Variants in CCDC171 observed in about 807,000 individuals in gnomAD.
CCDC171 encodes the protein coiled-coil domain containing 171, also known as coiled-coil domain-containing protein 171.
In CCDC171, 177 loss-of-function variants were observed where a neutral mutation model predicts 168.2. That is an observed-to-expected ratio of 1.05 (90% confidence interval 0.93 to 1.19). The LOEUF (loss-of-function observed/expected upper bound fraction) is 1.19. CCDC171 is among the 50% of genes most tolerant of loss of function. The pLI is 0.00. For synonymous variants in CCDC171, 687 were observed against 540.8 expected, an observed-to-expected ratio of 1.27 and a Z score of -3.75; for missense variants, 1,991 against 1,539.0, an observed-to-expected ratio of 1.29 and a Z score of -4.91.
At chr9:15,649,508 G>A (rs1457883266) in intron 7 of CCDC171, among the ~76,000 whole-genome samples, 3 of 152,236 alleles carry the variant, frequency 2.0e-5, no homozygotes, top group East Asian at 3.9e-4. Flanking sequence ...ATCTGACAAA[G>A]GGCTAATATC....
At chr9:15,802,945 C>T (rs1486692533) in intron 21 of CCDC171, among the ~76,000 whole-genome samples, 1 of 152,124 alleles carries the variant, frequency 6.6e-6, no homozygotes, top group Non-Finnish European at 1.5e-5. Flanking sequence ...TAGTAATAGC[C>T]ACTCTGACTG....
intron 11 of CCDC171, among the ~76,000 whole-genome samples, chr9:15,704,875 T>C (rs2052085516): frequency 1.3e-5 from 2 of 152,002 alleles, no homozygotes; most frequent in Non-Finnish European, 2.9e-5. Flanking sequence ...ACCCTGGCCT[T>C]CTTGTGACTA....
At chr9:15,814,590 G>A (rs1466599038) in intron 21 of CCDC171, among the ~76,000 whole-genome samples, 1 of 151,118 alleles carries the variant, frequency 6.6e-6, no homozygotes, top group Non-Finnish European at 1.5e-5. Context: ...TACAATTGTA[G>A]CTAAAGTTTT....
intron 21 of CCDC171, among the ~76,000 whole-genome samples, chr9:15,826,796 G>A (rs7047045): frequency 0.44 from 67,323 of 152,014 alleles, 15,111 homozygotes; most frequent in African/African-American, 0.47. Flanking sequence ...GCTGTGCCAT[G>A]CTCTATTTCC....
intron 21 of CCDC171, among the ~76,000 whole-genome samples, chr9:15,799,177 G>T (rs1010272277): frequency 3.3e-5 from 3 of 91,460 alleles, no homozygotes; most frequent in East Asian, 3.9e-4. Context: ...CCATTTTGAT[G>T]CACACTTCCT....
At chr9:16,105,527 C>T in the CCDC171 span, among the ~76,000 whole-genome samples, 3 of 152,088 alleles carry the variant, frequency 2.0e-5, no homozygotes, top group Non-Finnish European at 4.4e-5. Context: ...TTGATGGCCT[C>T]GTAATTGTTA....
chr9:15,834,306 A>G (rs1265827036), intron 21 of CCDC171, among the ~76,000 whole-genome samples: 2 of 152,176 alleles, frequency 1.3e-5, no homozygotes, highest in African/African-American at 2.4e-5. Flanking sequence ...ATCTAATTAT[A>G]TGTTCATATT....
chr9:15,816,265 C>A (rs2059558584), intron 21 of CCDC171, among the ~76,000 whole-genome samples: 1 of 117,398 alleles, frequency 8.5e-6, no homozygotes, highest in Non-Finnish European at 1.9e-5. Flanking sequence ...TTGAATCATA[C>A]AGTTCAATTT....
intron 21 of CCDC171, among the ~76,000 whole-genome samples, chr9:15,803,336 C>G (rs1050358742): frequency 6.6e-6 from 1 of 151,502 alleles, no homozygotes; most frequent in Non-Finnish European, 1.5e-5. Context: ...TTTGCCCATG[C>G]CTATGTCCTG....
In CCDC171 at chr9:15,942,337, A is replaced by G. The variant is rs139631662; in HGVS notation, c.3753+21915A>G. ...CAGATATCAAAAAGCAATGGCTGTA[A>G]TTGGTCTTCTGTCTCTATGGGTCCG... On this transcript the variant is annotated intron_variant, in intron 25 of 25. Coordinates refer to ENST00000380701, the MANE Select transcript of CCDC171 (RefSeq NM_173550.4). Among the ~76,000 whole-genome samples, 266 of 152,084 alleles carry G rather than the reference A, an allele frequency of 1.7e-3. 2 individuals are homozygous for G. The highest frequency in any genetic ancestry group is 5.8e-3 in the African/African-American group (239 of 41,544).
chr9:15,797,794 A>C (rs939029888), intron 21 of CCDC171, among the ~76,000 whole-genome samples: 1 of 152,166 alleles, frequency 6.6e-6, no homozygotes. Context: ...CTTTTTGACA[A>C]TTATATCAGT....
At chr9:15,616,229 G>A (rs1414498151) in intron 6 of CCDC171, among the ~76,000 whole-genome samples, 1 of 152,098 alleles carries the variant, frequency 6.6e-6, no homozygotes, top group Non-Finnish European at 1.5e-5. Context: ...TGGGATTACA[G>A]GTGTGAGCCA....
At chr9:15,830,458 CT>C (rs796349824) in intron 21 of CCDC171, among the ~76,000 whole-genome samples, 5 of 152,272 alleles carry the variant, frequency 3.3e-5, no homozygotes, top group African/African-American at 1.2e-4. Context: ...AAGAAACAGA[CT>C]TTCCCCTAAA....
intron 3 of CCDC171, among the ~76,000 whole-genome samples, chr9:16,017,557 G>A (rs1014368075): frequency 1.3e-5 from 2 of 151,972 alleles, no homozygotes; most frequent in Admixed American, 6.6e-5. Context: ...AACTTTCAAA[G>A]TTCTTAATTC....
chr9:16,094,461 G>C, the CCDC171 span, among the ~76,000 whole-genome samples: 1 of 152,174 alleles, frequency 6.6e-6, no homozygotes, highest in Admixed American at 6.5e-5. Flanking sequence ...TGAGGAAGCA[G>C]GAGGAAGAGA....
intron 24 of CCDC171, among the ~76,000 whole-genome samples, chr9:15,891,990 C>T (rs1820276927): frequency 6.6e-6 from 1 of 152,060 alleles, no homozygotes; most frequent in Non-Finnish European, 1.5e-5. Flanking sequence ...TTTCCCCAAT[C>T]CCCCATCTTT....
chr9:16,009,807 A>G (rs1307730510), intron 3 of CCDC171, among the ~76,000 whole-genome samples: 2 of 152,208 alleles, frequency 1.3e-5, no homozygotes, highest in Non-Finnish European at 2.9e-5. Flanking sequence ...TTAACAAAAC[A>G]TATTTTATTT....
At chr9:15,620,261 A>G (rs2132016364) in intron 6 of CCDC171, among the ~76,000 whole-genome samples, 1 of 152,314 alleles carries the variant, frequency 6.6e-6, no homozygotes, top group African/African-American at 2.4e-5. Flanking sequence ...GATCTAGGCA[A>G]ATTAAATTGA....
chr9:15,620,243 C>G lies in CCDC171; in HGVS notation c.676-3024C>G, dbSNP rs539532376. On this transcript the variant is annotated intron_variant, in intron 6 of 25. Transcript: ENST00000380701. Reference sequence around the variant, plus strand: ...CTATAGCTGACATAGATAGTGACTCCTTTGATGGATCTAGGCAAATTAAAT... The same window carrying G: ...CTATAGCTGACATAGATAGTGACTCGTTTGATGGATCTAGGCAAATTAAAT... Among the ~76,000 whole-genome samples the G allele has an allele frequency of 7.9e-5, 12 of 152,228 alleles. No individual in the cohort carries two copies. In the South Asian group the frequency reaches 2.5e-3, roughly 32 times the overall value.
Sources: gnomAD v4.1 joint callset for allele counts (sites outside exome capture counted in the v4.1 genomes callset) on GRCh38, gnomAD v4.1.1 for gene constraint, MANE v1.5 for transcripts, NCBI Gene and HGNC (gene_info 2026-07-23, HGNC 2026-07-21) for gene names.